PEX14: variants seen among roughly 807,000 people sequenced by gnomAD.
The protein encoded by PEX14 is peroxisomal biogenesis factor 14.
PEX14 carries 15 observed loss-of-function variants against 49.5 expected under a neutral mutation model. The observed-to-expected ratio is 0.30, with a 90% CI of 0.20 to 0.47. PEX14 has a LOEUF of 0.47. Among genes scored for constraint, PEX14 ranks in the 20% least tolerant of loss-of-function variants. The pLI is 1.00. For missense variants in PEX14, 398 were observed against 494.8 expected, an observed-to-expected ratio of 0.80 and a Z score of 1.86; for synonymous variants, 210 against 212.7, an observed-to-expected ratio of 0.99 and a Z score of 0.11.
At chr1:10,487,558 C>A (rs1230805535) in intron 1 of PEX14, among the ~76,000 whole-genome samples, 1 of 128,774 alleles carries the variant, frequency 7.8e-6, no homozygotes, top group African/African-American at 2.9e-5. Context: ...GATCTCAGCT[C>A]ACTGCAACCT....
chr1:10,475,722 G>C, intron 1 of PEX14, among the ~76,000 whole-genome samples: 1 of 152,194 alleles, frequency 6.6e-6, no homozygotes, highest in African/African-American at 2.4e-5. Context: ...TCTGCGGCCG[G>C]GAGGCAGTGG....
intron 2 of PEX14, among the ~76,000 whole-genome samples, chr1:10,519,157 C>A (rs557012551): frequency 6.6e-6 from 1 of 152,062 alleles, no homozygotes. Context: ...CCCCCTAACA[C>A]CCCCCTTTTC....
intron 3 of PEX14, among the ~76,000 whole-genome samples, chr1:10,598,948 G>C (rs1055376228): frequency 1.3e-5 from 2 of 151,930 alleles, no homozygotes; most frequent in African/African-American, 4.8e-5. Flanking sequence ...GTTTTCGGGG[G>C]AAGAATGGAG....
Position 10,630,038 on chromosome 1 carries a change from C to G in PEX14, c.*51C>G. On this transcript the variant is annotated 3_prime_UTR_variant, in exon 9 of 9. Transcript: ENST00000356607. The surrounding 1 kb of genome is among the most constrained non-coding windows in gnomAD (Gnocchi z 4.1). ...GAGGATGGCATCTAGTGTGCCCGTG[C>G]GTGGCCATACCCTGCCTCCCTCTCT... 1 of 1,596,894 alleles carries G rather than the reference C, an allele frequency of 6.3e-7. No homozygotes were observed. Among genetic ancestry groups the G allele is most frequent in the Non-Finnish European group, 8.5e-7 (1 of 1,177,718 alleles).
At chr1:10,553,244 C>T (rs1403153717) in intron 3 of PEX14, among the ~76,000 whole-genome samples, 1 of 152,066 alleles carries the variant, frequency 6.6e-6, no homozygotes, top group Non-Finnish European at 1.5e-5. Flanking sequence ...TGAATGGATG[C>T]AAGAGTGAAG....
At chr1:10,626,341 C>T (rs1246348548) in intron 7 of PEX14, among the ~76,000 whole-genome samples, 1 of 152,126 alleles carries the variant, frequency 6.6e-6, no homozygotes, top group East Asian at 1.9e-4. Flanking sequence ...CCCTGTCTGG[C>T]GGTCTGGAGT....
At chr1:10,506,686 C>T (rs940137981) in intron 2 of PEX14, among the ~76,000 whole-genome samples, 2 of 152,190 alleles carry the variant, frequency 1.3e-5, no homozygotes, top group African/African-American at 4.8e-5. Context: ...TAGGTGTGAG[C>T]GAGATGACAG....
At position 10,591,840 on chromosome 1, in the gene PEX14, C is replaced by CCCCCTG. The variant is rs1288005847; in HGVS notation, c.170-7388_170-7383dup. Among the ~76,000 whole-genome samples, 8 of 152,300 alleles carry CCCCCTG rather than the reference C, an allele frequency of 5.3e-5. No homozygotes were observed. In the South Asian group the frequency reaches 1.2e-3, roughly 24 times the overall value. On this transcript the variant is annotated intron_variant, in intron 3 of 8. Coordinates refer to ENST00000356607, the MANE Select transcript of PEX14 (RefSeq NM_004565.3). ...TATGTCAGGCTGCCCATGCTCCCCG[C>CCCCCTG]CCCCTGCCCCTGCCCAGCACAGAGA...
At chr1:10,576,134 C>A (rs1335090907) in intron 3 of PEX14, among the ~76,000 whole-genome samples, 2 of 152,064 alleles carry the variant, frequency 1.3e-5, no homozygotes, top group African/African-American at 2.4e-5. Flanking sequence ...AATATTAGTT[C>A]TTGGCCATGT....
intron 3 of PEX14, among the ~76,000 whole-genome samples, chr1:10,587,764 A>G (rs1040906751): frequency 2.6e-5 from 4 of 152,092 alleles, no homozygotes; most frequent in Non-Finnish European, 5.9e-5. Flanking sequence ...AGAATGAGAG[A>G]GCTCTGTAGA....
At chr1:10,500,373 C>CAAAAAAAAAAAAA (rs750781683) in intron 2 of PEX14, among the ~76,000 whole-genome samples, 27 of 43,676 alleles carry the variant, frequency 6.2e-4, no homozygotes, top group Admixed American at 7.0e-4. Flanking sequence ...GATTCTGTCT[C>CAAAAAAAAAAAAA]AAAAAAAAAA....
intron 3 of PEX14, among the ~76,000 whole-genome samples, chr1:10,582,737 G>GTT (rs1640358463): frequency 6.6e-6 from 1 of 151,972 alleles, no homozygotes; most frequent in Non-Finnish European, 1.5e-5. Context: ...GTTTTGTTTG[G>GTT]TTTGGTTTGG....
chr1:10,489,906 A>G (rs2124390423), intron 1 of PEX14, among the ~76,000 whole-genome samples: 1 of 152,328 alleles, frequency 6.6e-6, no homozygotes, highest in Admixed American at 6.5e-5. Flanking sequence ...CTGCTGTCCA[A>G]TGTGTACACA....
At chr1:10,501,407 G>A (rs974377409) in intron 2 of PEX14, among the ~76,000 whole-genome samples, 3 of 152,266 alleles carry the variant, frequency 2.0e-5, no homozygotes, top group Middle Eastern at 3.4e-3. Context: ...CAGGGTTCAT[G>A]CCATTCTCCT....
chr1:10,585,835 G>A (rs1189516751), intron 3 of PEX14, among the ~76,000 whole-genome samples: 3 of 152,236 alleles, frequency 2.0e-5, no homozygotes, highest in African/African-American at 7.2e-5. Flanking sequence ...GACAAAGATT[G>A]CGGTGAGTGG....
Position 10,618,871 on chromosome 1 carries a change from C to T in PEX14, c.384+454C>T, listed in dbSNP as rs534356933. Among the ~76,000 whole-genome samples, 3 of 152,366 alleles carry T rather than the reference C, an allele frequency of 2.0e-5. No individual in the cohort carries two copies. The South Asian group carries it at 6.2e-4, about 32-fold the overall frequency. The stretch of plus-strand genomic sequence containing the variant: ...GCTCTGGTCTGTAAAATGGGAATAA[C>T]AGTCCCCACTTCACAAGGTTGTCGT... On this transcript the variant is annotated intron_variant, in intron 5 of 8. Transcript: ENST00000356607.
At chr1:10,591,839 G>C (rs899839455) in intron 3 of PEX14, among the ~76,000 whole-genome samples, 1 of 152,066 alleles carries the variant, frequency 6.6e-6, no homozygotes, top group Non-Finnish European at 1.5e-5. Context: ...CATGCTCCCC[G>C]CCCCCTGCCC....
intron 3 of PEX14, among the ~76,000 whole-genome samples, chr1:10,557,877 T>A (rs1639540104): frequency 6.6e-6 from 1 of 152,134 alleles, no homozygotes. Flanking sequence ...TTTATGGAAT[T>A]TGTGTTGTTG....
chr1:10,573,231 A>C (rs1267779220), intron 3 of PEX14, among the ~76,000 whole-genome samples: 1 of 152,230 alleles, frequency 6.6e-6, no homozygotes, highest in African/African-American at 2.4e-5. Context: ...TCTTGTATCT[A>C]ATATATAGAG....
Sources: gnomAD v4.1 joint callset for allele counts (sites outside exome capture counted in the v4.1 genomes callset) on GRCh38, gnomAD v4.1.1 for gene constraint, Gnocchi (gnomAD v3.1) non-coding constraint, MANE v1.5 for transcripts, NCBI Gene and HGNC (gene_info 2026-07-23, HGNC 2026-07-21) for gene names.